OPCML: variants seen among roughly 807,000 people sequenced by gnomAD.
The protein encoded by OPCML is opioid-binding protein/cell adhesion molecule.
Under a neutral mutation model 37.8 loss-of-function variants are expected in OPCML, and 13 were observed. That is an observed-to-expected ratio of 0.34 (90% CI 0.22 to 0.55). The LOEUF (loss-of-function observed/expected upper bound fraction) is 0.55, where lower values mean the gene tolerates loss of function less well. OPCML is among the 20% of genes least tolerant of loss of function. OPCML has a pLI of 0.91. For synonymous variants in OPCML, 176 were observed against 168.8 expected, an observed-to-expected ratio of 1.04 and a Z score of -0.33; for missense variants, 341 against 435.6, an observed-to-expected ratio of 0.78 and a Z score of 1.93.
chr11:133,292,010 G>A (rs937581393), intron 1 of OPCML, among the ~76,000 whole-genome samples: 2 of 152,174 alleles, frequency 1.3e-5, no homozygotes, highest in African/African-American at 4.8e-5. Flanking sequence ...TATTAGGCCC[G>A]TCCTGGAGAG....
chr11:132,439,079 A>G (rs949359684), intron 4 of OPCML, among the ~76,000 whole-genome samples: 21 of 152,274 alleles, frequency 1.4e-4, no homozygotes, highest in African/African-American at 5.1e-4. Context: ...TGCATTGGCT[A>G]GTGGGAGCAA....
chr11:132,704,061 A>G (rs529354358), intron 2 of OPCML, among the ~76,000 whole-genome samples: 44 of 152,220 alleles, frequency 2.9e-4, no homozygotes, highest in African/African-American at 9.9e-4. Flanking sequence ...TCTACTTGGA[A>G]AGGCCTGTGT....
chr11:133,354,211 G>A, intron 1 of OPCML, among the ~76,000 whole-genome samples: 2 of 139,104 alleles, frequency 1.4e-5, no homozygotes, highest in African/African-American at 2.6e-5. Context: ...GATGGTGGTG[G>A]TGATGATGCT....
chr11:133,280,817 A>G (rs1942126587), intron 1 of OPCML, among the ~76,000 whole-genome samples: 1 of 152,202 alleles, frequency 6.6e-6, no homozygotes, highest in South Asian at 2.1e-4. Context: ...GCATTTCAAG[A>G]AAGTGAGGAC....
At chr11:132,490,855 T>C (rs2096213594) in intron 4 of OPCML, among the ~76,000 whole-genome samples, 1 of 151,868 alleles carries the variant, frequency 6.6e-6, no homozygotes, top group Non-Finnish European at 1.5e-5. Context: ...ACCTGTGTCT[T>C]CTCCCGTGTC....
chr11:133,282,255 G>A (rs183228456), intron 1 of OPCML, among the ~76,000 whole-genome samples: 2 of 152,246 alleles, frequency 1.3e-5, no homozygotes, highest in Non-Finnish European at 1.5e-5. Flanking sequence ...CAGGAGCCAG[G>A]TCCAAGACCC....
intron 1 of OPCML, among the ~76,000 whole-genome samples, chr11:133,193,766 A>T (rs1938419911): frequency 6.6e-6 from 1 of 152,194 alleles, no homozygotes. Context: ...TATGGTCGGC[A>T]TATCCTGTAA....
rs1341116224 is a variant in OPCML, at chr11:133,171,887, C to T, written c.62-228877G>A. ...GGCATGCTGCTGAGAAGGCCAGGGG[C>T]TGGAACCTAGGTACTGCAAGTGTGG... On this transcript the variant is annotated intron_variant, in intron 1 of 7. Transcript: ENST00000524381. Among the ~76,000 whole-genome samples the T allele has an allele frequency of 2.0e-5, 3 of 152,170 alleles. No homozygotes were observed. In the East Asian group the frequency reaches 5.8e-4, roughly 29 times the overall value.
intron 1 of OPCML, among the ~76,000 whole-genome samples, chr11:133,383,928 G>T (rs894513278): frequency 6.6e-6 from 1 of 152,048 alleles, no homozygotes; most frequent in African/African-American, 2.4e-5. Context: ...TAAGAGAAGG[G>T]TGCAGGCTTG....
chr11:133,030,046 C>T (rs917815210), intron 1 of OPCML, among the ~76,000 whole-genome samples: 24 of 152,146 alleles, frequency 1.6e-4, no homozygotes, highest in African/African-American at 5.8e-4. Flanking sequence ...CAGAGAGCTG[C>T]TCCCTGTCAC....
intron 3 of OPCML, among the ~76,000 whole-genome samples, chr11:132,614,389 A>G (rs1047404261): frequency 2.0e-5 from 3 of 152,136 alleles, no homozygotes; most frequent in Non-Finnish European, 2.9e-5. Context: ...TTCGTTTAAT[A>G]ACCTTTGAGA....
chr11:133,210,682 A>AT (rs899981627), intron 1 of OPCML, among the ~76,000 whole-genome samples: 62 of 151,000 alleles, frequency 4.1e-4, no homozygotes, highest in South Asian at 6.3e-4. Flanking sequence ...ATACATGGCT[A>AT]TTTTTTTTTC....
chr11:132,555,095 G>A lies in OPCML; in HGVS notation c.380-25909C>T, dbSNP rs577281676. The stretch of plus-strand genomic sequence containing the variant: ...CAGCATGATTCCCTCTGAGACAGTA[G>A]GGGAAGGATGCTGCAACCACAAGGG... On this transcript the variant is annotated intron_variant, in intron 3 of 7. Coordinates refer to ENST00000524381, the MANE Select transcript of OPCML (RefSeq NM_001012393.5). Among the ~76,000 whole-genome samples, 3 of 152,132 alleles carry A rather than the reference G, an allele frequency of 2.0e-5. No homozygotes were observed. In the East Asian group the frequency reaches 5.8e-4, roughly 30 times the overall value.
At chr11:132,565,712 T>G (rs1222630000) in intron 3 of OPCML, among the ~76,000 whole-genome samples, 2 of 152,192 alleles carry the variant, frequency 1.3e-5, no homozygotes, top group Non-Finnish European at 2.9e-5. Flanking sequence ...TTGATCATAT[T>G]ACCTAGACCT....
At chr11:132,430,017 G>A (rs2095991086) in intron 7 of OPCML, among the ~76,000 whole-genome samples, 1 of 152,118 alleles carries the variant, frequency 6.6e-6, no homozygotes. Flanking sequence ...GGGGTGAGAG[G>A]GGCTCTGGCA....
At chr11:132,751,858 A>G (rs181064391) in intron 2 of OPCML, among the ~76,000 whole-genome samples, 1 of 152,322 alleles carries the variant, frequency 6.6e-6, no homozygotes, top group Admixed American at 6.5e-5. Flanking sequence ...TAAGGTGGAG[A>G]GTCCACCATT....
At chr11:133,357,355 T>A (rs1223176187) in intron 1 of OPCML, among the ~76,000 whole-genome samples, 1 of 152,226 alleles carries the variant, frequency 6.6e-6, no homozygotes, top group Non-Finnish European at 1.5e-5. Context: ...AGGGTTGTGC[T>A]GAGAATTAAC....
intron 1 of OPCML, among the ~76,000 whole-genome samples, chr11:133,271,916 C>T (rs1941850491): frequency 6.6e-6 from 1 of 152,194 alleles, no homozygotes; most frequent in South Asian, 2.1e-4. Flanking sequence ...CATATAGTCC[C>T]TGCATCTGTG....
intron 1 of OPCML, chr11:133,004,044 G>C (rs1565392865): frequency 6.1e-6 from 6 of 985,294 alleles, no homozygotes; most frequent in Non-Finnish European, 7.2e-6. Context: ...GGAAATGCCA[G>C]CTGGGAAGGA....
Sources: allele counts gnomAD v4.1 joint callset (sites outside exome capture counted in the v4.1 genomes callset), GRCh38; gene constraint gnomAD v4.1.1; transcripts MANE v1.5; gene names NCBI Gene and HGNC (gene_info 2026-07-23, HGNC 2026-07-21).